CALN1: variants seen among roughly 807,000 people sequenced by gnomAD.
CALN1 encodes calneuron 1.
In CALN1, 17 loss-of-function variants were observed where a neutral mutation model predicts 30.6. The observed-to-expected ratio is 0.56, with a 90% CI of 0.38 to 0.83. The LOEUF is 0.83. Ranked by LOEUF, CALN1 falls within the 40% of genes least tolerant of loss-of-function variation. CALN1 has a pLI of 0.00. For synonymous variants in CALN1, 156 were observed against 131.4 expected, an observed-to-expected ratio of 1.19 and a Z score of -1.28; for missense variants, 291 against 354.9, an observed-to-expected ratio of 0.82 and a Z score of 1.45.
chr7:71,994,897 G>A (rs998652449), intron 5 of CALN1, among the ~76,000 whole-genome samples: 1 of 147,696 alleles, frequency 6.8e-6, no homozygotes, highest in Admixed American at 6.9e-5. Flanking sequence ...CTGTCCCCCA[G>A]GCTGGAGTGC....
At chr7:72,463,983 AGGAGGGAG>A in the CALN1 span, among the ~76,000 whole-genome samples, 6 of 105,922 alleles carry the variant, frequency 5.7e-5, no homozygotes, top group African/African-American at 2.2e-4. Context: ...AAGGAAGGGA[AGGAGGGAG>A]GGAGGGAGGG....
chr7:72,057,671 T>G (rs541957981), intron 4 of CALN1, among the ~76,000 whole-genome samples: 1 of 152,094 alleles, frequency 6.6e-6, no homozygotes, highest in Non-Finnish European at 1.5e-5. Context: ...ATTGTGAAGA[T>G]TACATGTTAT....
intron 3 of CALN1, among the ~76,000 whole-genome samples, chr7:72,276,438 G>A (rs1020415431): frequency 1.3e-5 from 2 of 152,184 alleles, no homozygotes; most frequent in Non-Finnish European, 2.9e-5. Flanking sequence ...TAAGAAGTGA[G>A]GTCTTTCAGG....
chr7:72,285,696 G>A (rs1798039062), intron 2 of CALN1, among the ~76,000 whole-genome samples: 1 of 152,148 alleles, frequency 6.6e-6, no homozygotes, highest in African/African-American at 2.4e-5. Flanking sequence ...GAGAAAGCAA[G>A]AAAAACATTT....
At chr7:71,797,790 T>G (rs536952537) in intron 6 of CALN1, among the ~76,000 whole-genome samples, 26 of 152,264 alleles carry the variant, frequency 1.7e-4, no homozygotes, top group African/African-American at 6.0e-4. Flanking sequence ...GTTGGGACCT[T>G]CACCACCACT....
chr7:71,893,032 C>T (rs1793333362), intron 5 of CALN1, among the ~76,000 whole-genome samples: 1 of 152,140 alleles, frequency 6.6e-6, no homozygotes, highest in South Asian at 2.1e-4. Context: ...TAAAAAGGTT[C>T]TGTTTAATAA....
chr7:72,321,810 T>C (rs546077697), intron 2 of CALN1, among the ~76,000 whole-genome samples: 53 of 152,274 alleles, frequency 3.5e-4, no homozygotes, highest in African/African-American at 1.2e-3. Context: ...CAAAGTGTCA[T>C]CTCTCTTGGC....
rs1796906125 is a variant in CALN1, at chr7:71,955,343, G to T, written c.501+68314C>A. Among the ~76,000 whole-genome samples, 4 of 152,096 alleles carry T rather than the reference G, an allele frequency of 2.6e-5. No individual in the cohort carries two copies. The South Asian group carries it at 6.2e-4, about 24-fold the overall frequency. On this transcript the variant is annotated intron_variant, in intron 5 of 6. Coordinates refer to ENST00000395275, the MANE Select transcript of CALN1 (RefSeq NM_031468.4). The stretch of plus-strand genomic sequence containing the variant: ...GAGCTACAATTCAAGATGAGATTTG[G>T]GTGGAGACACAGCCAAACTGTATCA...
chr7:71,905,931 C>T (rs761696078), intron 5 of CALN1, among the ~76,000 whole-genome samples: 2 of 152,120 alleles, frequency 1.3e-5, no homozygotes, highest in African/African-American at 4.8e-5. Flanking sequence ...AAGAAGCAAG[C>T]ACCTTCTTCA....
At chr7:71,880,451 C>G (rs1045048089) in intron 5 of CALN1, among the ~76,000 whole-genome samples, 2 of 152,098 alleles carry the variant, frequency 1.3e-5, no homozygotes, top group Non-Finnish European at 2.9e-5. Context: ...AGGCTTAGCC[C>G]ATCTCTACTG....
chr7:71,987,152 C>A (rs545367159), intron 5 of CALN1, among the ~76,000 whole-genome samples: 32 of 152,140 alleles, frequency 2.1e-4, no homozygotes, highest in Non-Finnish European at 4.1e-4. Context: ...CTCCTCCACA[C>A]TGAAGTCACA....
chr7:72,370,110 T>G (rs1365793350), intron 2 of CALN1, among the ~76,000 whole-genome samples: 3 of 152,206 alleles, frequency 2.0e-5, no homozygotes, highest in Non-Finnish European at 4.4e-5. Context: ...TTCCAATGAC[T>G]CTACATTGTC....
At chr7:72,464,458 T>A in the CALN1 span, among the ~76,000 whole-genome samples, 1 of 152,180 alleles carries the variant, frequency 6.6e-6, no homozygotes, top group African/African-American at 2.4e-5. Flanking sequence ...GGTGACCAAA[T>A]GTCCATATTA....
At chr7:72,008,657 A>AT (rs377110167) in intron 5 of CALN1, among the ~76,000 whole-genome samples, 27,039 of 139,278 alleles carry the variant, frequency 0.19, 3,105 homozygotes, top group East Asian at 0.38. Context: ...AAGACTTTCA[A>AT]TTTTTTTTTT....
intron 2 of CALN1, among the ~76,000 whole-genome samples, chr7:72,335,335 A>G (rs1801942535): frequency 6.6e-6 from 1 of 152,192 alleles, no homozygotes; most frequent in Non-Finnish European, 1.5e-5. Context: ...CTTTTTGAGC[A>G]AAAGTCATCA....
At chr7:72,330,166 G>A (rs929020861) in intron 2 of CALN1, among the ~76,000 whole-genome samples, 3 of 151,698 alleles carry the variant, frequency 2.0e-5, no homozygotes, top group Non-Finnish European at 2.9e-5. Context: ...GGTGGCGGGC[G>A]CCTGTAATCC....
At chr7:72,049,752 C>A (rs1296221326) in intron 4 of CALN1, among the ~76,000 whole-genome samples, 1 of 151,828 alleles carries the variant, frequency 6.6e-6, no homozygotes, top group Admixed American at 6.6e-5. Flanking sequence ...AGGTGATCCA[C>A]CTGCCTCGGT....
chr7:72,459,393 G>C, the CALN1 span, among the ~76,000 whole-genome samples: 2 of 152,114 alleles, frequency 1.3e-5, no homozygotes. Flanking sequence ...CACAAGTTAT[G>C]ATTTATTAAT....
chr7:72,179,836 TATGTAAAAA>T (rs1406324296), intron 3 of CALN1, among the ~76,000 whole-genome samples: 2 of 152,198 alleles, frequency 1.3e-5, no homozygotes, highest in Non-Finnish European at 2.9e-5. Flanking sequence ...TACATTTTCT[TATGTAAAAA>T]AGTTATATAC....
Sources: allele counts gnomAD v4.1 joint callset (sites outside exome capture counted in the v4.1 genomes callset), GRCh38; gene constraint gnomAD v4.1.1; transcripts MANE v1.5; gene names NCBI Gene and HGNC (gene_info 2026-07-23, HGNC 2026-07-21).